The following C10orf67 variants were observed in gnomAD, a reference collection of about 807,000 sequenced individuals.
C10orf67 encodes the protein chromosome 10 open reading frame 67.
A neutral mutation model predicts 35.6 loss-of-function variants in C10orf67; 60 were observed. The ratio of observed to expected loss-of-function variants is 1.68; its 90% CI spans 1.37 to 2.09. C10orf67 has a LOEUF of 2.09. Ranked by LOEUF, C10orf67 falls within the 30% of genes most tolerant of loss-of-function variation. The probability of loss-of-function intolerance (pLI) is 0.00; values close to 1 mark genes in which losing one functional copy is unlikely to be tolerated. For synonymous variants in C10orf67, 167 were observed against 115.8 expected, an observed-to-expected ratio of 1.44 and a Z score of -2.84; for missense variants, 474 against 330.2, an observed-to-expected ratio of 1.44 and a Z score of -3.38.
At chr10:23,318,971 AG>A in intron 4 of C10orf67, 4 of 751,202 alleles carry the variant, frequency 5.3e-6, no homozygotes, top group South Asian at 4.3e-5. Flanking sequence ...GCAAAGAAAA[AG>A]AAAGGGTCTT....
intron 15 of C10orf67, 111 bp from the exon 16 acceptor site, chr10:23,204,366 C>T (rs1841101993): frequency 2.3e-6 from 1 of 426,404 alleles, no homozygotes; most frequent in Non-Finnish European, 4.2e-6. Context: ...AGTGGGTCTT[C>T]CCAGCCCTGG....
chr10:23,300,301 T>C (rs1411993958), intron 5 of C10orf67, among the ~76,000 whole-genome samples: 1 of 152,154 alleles, frequency 6.6e-6, no homozygotes, highest in Non-Finnish European at 1.5e-5. Flanking sequence ...CTATTAGGCA[T>C]TCGATTTTCC....
chr10:23,309,807 T>C (rs79077197), intron 4 of C10orf67, among the ~76,000 whole-genome samples: 380 of 152,300 alleles, frequency 2.5e-3, no homozygotes, highest in Non-Finnish European at 3.5e-3. Flanking sequence ...CACAATTCTT[T>C]GGAAGAACAA....
intron 4 of C10orf67, among the ~76,000 whole-genome samples, chr10:23,314,741 A>G (rs1844633194): frequency 6.6e-6 from 1 of 152,186 alleles, no homozygotes; most frequent in African/African-American, 2.4e-5. Context: ...GCTGTCAGCC[A>G]GAGGCTATAC....
intron 13 of C10orf67, among the ~76,000 whole-genome samples, chr10:23,229,234 C>A (rs1405551641): frequency 6.6e-6 from 1 of 151,912 alleles, no homozygotes; most frequent in East Asian, 1.9e-4. Context: ...GACATATACA[C>A]CATGGAATAC....
chr10:23,215,724 A>T (rs1286472217), intron 15 of C10orf67, among the ~76,000 whole-genome samples: 3 of 152,204 alleles, frequency 2.0e-5, no homozygotes, highest in Non-Finnish European at 4.4e-5. Flanking sequence ...CAGAAGGAAA[A>T]TTCTAAATAA....
chr10:23,216,763 G>A (rs996689216), intron 15 of C10orf67, among the ~76,000 whole-genome samples: 1 of 152,098 alleles, frequency 6.6e-6, no homozygotes, highest in Admixed American at 6.5e-5. Context: ...TTGAAAACAT[G>A]CCAAATGATG....
At chr10:23,293,810 A>G (rs1410361351) in intron 5 of C10orf67, among the ~76,000 whole-genome samples, 2 of 152,242 alleles carry the variant, frequency 1.3e-5, no homozygotes, top group African/African-American at 4.8e-5. Flanking sequence ...TCTCGAAAGA[A>G]TCATTTTTGA....
intron 13 of C10orf67, among the ~76,000 whole-genome samples, chr10:23,229,220 G>A (rs1841836853): frequency 2.6e-5 from 4 of 152,032 alleles, no homozygotes; most frequent in Admixed American, 2.0e-4. Flanking sequence ...TTAAGAAAAT[G>A]TGGGACATAT....
intron 2 of C10orf67, among the ~76,000 whole-genome samples, chr10:23,323,952 T>TACACACACACACACACACAC (rs747699026): frequency 1.5e-5 from 1 of 64,688 alleles, no homozygotes; most frequent in African/African-American, 5.4e-5. Flanking sequence ...TATATATATA[T>TACACACACACACACACACAC]ACACACACAC....
chr10:23,253,177 A>C (rs1842506593), intron 10 of C10orf67, among the ~76,000 whole-genome samples: 1 of 152,190 alleles, frequency 6.6e-6, no homozygotes, highest in South Asian at 2.1e-4. Flanking sequence ...GTGATGTGAA[A>C]AGAGACTAAT....
Position 23,244,486 on chromosome 10 carries a change from G to A in C10orf67, c.1347-4670C>T, listed in dbSNP as rs11013349. On this transcript the variant is annotated intron_variant, in intron 12 of 15. Coordinates refer to ENST00000636213, the MANE Select transcript of C10orf67 (RefSeq NM_001371909.1). ...CAATTACTCTATCAAAAAACCAGCAGAGCTAATAAATTCAGTAAAGTTACA... is the reference window on the plus strand; with the variant it reads ...CAATTACTCTATCAAAAAACCAGCAAAGCTAATAAATTCAGTAAAGTTACA... Among the ~76,000 whole-genome samples, 458 of 152,016 alleles carry A rather than the reference G, an allele frequency of 3.0e-3. 4 individuals carry two copies. The highest frequency in any genetic ancestry group is 5.3e-3 in the Non-Finnish European group (357 of 67,950).
At chr10:23,277,399 A>T (rs1475871309) in intron 8 of C10orf67, among the ~76,000 whole-genome samples, 1 of 152,046 alleles carries the variant, frequency 6.6e-6, no homozygotes, top group African/African-American at 2.4e-5. Flanking sequence ...CAAAAAATAG[A>T]AAAATTAGCC....
chr10:23,216,599 T>C (rs1422541936), intron 15 of C10orf67, among the ~76,000 whole-genome samples: 1 of 152,162 alleles, frequency 6.6e-6, no homozygotes, highest in Admixed American at 6.5e-5. Flanking sequence ...AATGAATATA[T>C]TGTAGAATAT....
rs564314099 is a variant in C10orf67 at position 23,280,034 on chromosome 10, A to G, written c.975+1979T>C. 1.4e-4 allele frequency among the ~76,000 whole-genome samples: 22 copies of G among 151,824 alleles called. 1 individual carries two copies. Among genetic ancestry groups the G allele is most frequent in the Admixed American group, 8.5e-4 (13 of 15,242 alleles). On this transcript the variant is annotated intron_variant, in intron 8 of 15. Transcript: ENST00000636213. ...ATGCCTAGCTAATCTTTTTTATTTTATATAAAAACGGGGCCTCACTATGTT... is the reference window on the plus strand; with the variant it reads ...ATGCCTAGCTAATCTTTTTTATTTTGTATAAAAACGGGGCCTCACTATGTT...
intron 4 of C10orf67, among the ~76,000 whole-genome samples, chr10:23,319,274 A>C (rs1844854501): frequency 6.6e-6 from 1 of 152,076 alleles, no homozygotes; most frequent in Non-Finnish European, 1.5e-5. Context: ...TTCTGTTCCA[A>C]TATTAATTTG....
intron 13 of C10orf67, among the ~76,000 whole-genome samples, chr10:23,234,564 T>C (rs985403456): frequency 2.6e-5 from 4 of 151,810 alleles, no homozygotes; most frequent in Non-Finnish European, 4.4e-5. Flanking sequence ...TCAGGAAAAA[T>C]AACTAATGGG....
At chr10:23,267,504 C>A (rs1274626426) in intron 8 of C10orf67, among the ~76,000 whole-genome samples, 1 of 152,154 alleles carries the variant, frequency 6.6e-6, no homozygotes, top group African/African-American at 2.4e-5. Context: ...TTATTCATTG[C>A]ATTAAGTACA....
chr10:23,312,952 C>T (rs1304852165), intron 4 of C10orf67, among the ~76,000 whole-genome samples: 1 of 152,196 alleles, frequency 6.6e-6, no homozygotes, highest in African/African-American at 2.4e-5. Flanking sequence ...TTTCCTGGGT[C>T]TCCAGCCTGC....
Sources: allele counts gnomAD v4.1 joint callset (sites outside exome capture counted in the v4.1 genomes callset), GRCh38; gene constraint gnomAD v4.1.1; transcripts MANE v1.5; gene names NCBI Gene and HGNC (gene_info 2026-07-23, HGNC 2026-07-21).